The following ITGA4 variants were observed in gnomAD, a reference collection of about 807,000 sequenced individuals.
The protein encoded by ITGA4 is integrin alpha-4.
ITGA4 carries 63 observed loss-of-function variants against 133.6 expected under a neutral mutation model. That is an observed-to-expected ratio of 0.47 (90% confidence interval 0.38 to 0.58). The LOEUF (loss-of-function observed/expected upper bound fraction) is 0.58, where lower values mean the gene tolerates loss of function less well. ITGA4 is among the 20% of genes least tolerant of loss of function. ITGA4 has a pLI of 0.00. For missense variants in ITGA4, 1,076 were observed against 1,252.7 expected (o/e 0.86, Z 2.13); for synonymous variants, 483 against 438.0 (o/e 1.10, Z -1.28).
chr2:181,463,368 T>G (rs1685333867), intron 2 of ITGA4, among the ~76,000 whole-genome samples: 1 of 152,110 alleles, frequency 6.6e-6, no homozygotes, highest in Admixed American at 6.6e-5. Context: ...TGCAGGTTAG[T>G]GAATGCTTTG....
intron 10 of ITGA4, among the ~76,000 whole-genome samples, chr2:181,490,603 C>T (rs1255550026): frequency 6.6e-6 from 1 of 151,606 alleles, no homozygotes; most frequent in African/African-American, 2.4e-5. Context: ...GGTATGACCT[C>T]TGTTGTTAAT....
Position 181,538,292 on chromosome 2 carries a change from C to A in ITGA4, c.*2765C>A. The A allele has an allele frequency of 1.8e-6, 2 of 1,097,764 alleles. No homozygotes were observed. The highest frequency in any genetic ancestry group is 2.5e-5 in the South Asian group (2 of 79,044). The allele number at this position is 1,097,764 out of a possible 1,614,324, so 68.0% of individuals were successfully genotyped here. A position where few individuals can be genotyped will look rare whatever the true frequency, so the allele number is the denominator to read the frequency against. On this transcript the variant is annotated 3_prime_UTR_variant, in exon 28 of 28. Coordinates refer to ENST00000397033, the MANE Select transcript of ITGA4 (RefSeq NM_000885.6). ...CATCAACTTATTTTGTTGTTTTTCA[C>A]ATACACCTAATAAGTATGGTACACA... is the stretch of plus-strand genomic sequence containing the variant.
intron 2 of ITGA4, among the ~76,000 whole-genome samples, chr2:181,464,870 T>C (rs1312662571): frequency 6.6e-6 from 1 of 152,122 alleles, no homozygotes; most frequent in Non-Finnish European, 1.5e-5. Flanking sequence ...AATTAGAATA[T>C]GGAAGTGGAC....
chr2:181,495,752 A>G lies in ITGA4; in HGVS notation c.1386-31A>G, dbSNP rs879192985. The G allele has an allele frequency of 3.1e-6, 5 of 1,589,678 alleles. No homozygotes were observed. The highest frequency in any genetic ancestry group is 2.6e-6 in the Non-Finnish European group (3 of 1,167,306). On this transcript the variant is annotated intron_variant, in intron 13 of 27. Transcript: ENST00000397033. The surrounding 1 kb of genome is among the most constrained non-coding windows in gnomAD (Gnocchi z 4.3). ...CTCCTTAAGGAAAAATAATTCTGCAATTAACATTGCTACTTTTATTTCCTT... is the reference window on the plus strand; with the variant it reads ...CTCCTTAAGGAAAAATAATTCTGCAGTTAACATTGCTACTTTTATTTCCTT...
intron 6 of ITGA4, among the ~76,000 whole-genome samples, chr2:181,481,360 A>G (rs959688565): frequency 2.0e-5 from 3 of 152,170 alleles, no homozygotes; most frequent in Non-Finnish European, 2.9e-5. Context: ...TAAAGATGCT[A>G]TTTTCAATTT....
chr2:181,473,867 T>C lies in ITGA4; in HGVS notation c.320-1093T>C, dbSNP rs558537170. On this transcript the variant is annotated intron_variant, in intron 2 of 27. Coordinates refer to ENST00000397033, the MANE Select transcript of ITGA4 (RefSeq NM_000885.6). The stretch of plus-strand genomic sequence containing the variant: ...CTGAGTTTGCCCAGGAAGCTACATT[T>C]AGGGGTCAACATTATAGGAGGAGAC... Among the ~76,000 whole-genome samples, 3 of 152,268 alleles carry C rather than the reference T, an allele frequency of 2.0e-5. No homozygotes were observed. In the East Asian group the frequency reaches 5.8e-4, roughly 29 times the overall value.
chr2:181,486,422 C>T (rs968575150), intron 10 of ITGA4: 8 of 153,130 alleles, frequency 5.2e-5, no homozygotes, highest in African/African-American at 1.7e-4. Flanking sequence ...CTGACCAAAC[C>T]CAACAGAGGC....
intron 10 of ITGA4, among the ~76,000 whole-genome samples, chr2:181,490,521 GTGTGTC>G (rs367978324): frequency 6.4e-4 from 59 of 92,416 alleles, no homozygotes; most frequent in African/African-American, 1.6e-3. Flanking sequence ...GTGTGTGTGT[GTGTGTC>G]TGTGTGTGTG....
chr2:181,474,344 A>T (rs1685625325), intron 2 of ITGA4, among the ~76,000 whole-genome samples: 1 of 152,186 alleles, frequency 6.6e-6, no homozygotes, highest in Non-Finnish European at 1.5e-5. Flanking sequence ...TACTACTGAG[A>T]TAATCTGGTT....
intron 23 of ITGA4, among the ~76,000 whole-genome samples, 193 bp from the exon 24 acceptor site, chr2:181,530,331 T>C (rs545879887): frequency 1.3e-5 from 2 of 152,352 alleles, no homozygotes; most frequent in African/African-American, 4.8e-5. Context: ...CCTGCTGTAA[T>C]TTGGCTGGGT....
intron 14 of ITGA4, 105 bp from the exon 15 acceptor site, chr2:181,498,518 A>G (rs1574398007): frequency 1.8e-6 from 1 of 557,678 alleles, no homozygotes; most frequent in Non-Finnish European, 3.0e-6. Flanking sequence ...AGAATTCCAG[A>G]TATTATTTCC....
Position 181,537,609 on chromosome 2 carries a change from A to T in ITGA4, c.*2082A>T, listed in dbSNP as rs779920731. The T allele has an allele frequency of 2.1e-5, 9 of 429,578 alleles. No homozygotes were observed. Among genetic ancestry groups the T allele is most frequent in the South Asian group, 1.5e-4 (9 of 59,014 alleles). The allele number at this position is 429,578 out of a possible 1,614,324, so 26.6% of individuals were successfully genotyped here. ...ATTATATTTGTAACAGAATATAGGA[A>T]ATTTAACATAATTGATGAGCTCAAA... On this transcript the variant is annotated 3_prime_UTR_variant, in exon 28 of 28. Coordinates refer to ENST00000397033, the MANE Select transcript of ITGA4 (RefSeq NM_000885.6).
Position 181,501,218 on chromosome 2 carries a change from A to C in ITGA4, c.1695+2441A>C, listed in dbSNP as rs11883463. 4.6e-3 allele frequency among the ~76,000 whole-genome samples: 706 copies of C among 152,286 alleles called. 7 individuals are homozygous for C. The highest frequency in any genetic ancestry group is 0.016 in the African/African-American group (673 of 41,572). The stretch of plus-strand genomic sequence containing the variant: ...GGGCTGAGAATGTGCATTTCTGCAA[A>C]GTTCCCAGAGGACCCATACTTTGAG... On this transcript the variant is annotated intron_variant, in intron 15 of 27. Transcript: ENST00000397033.
chr2:181,484,664 A>G (rs1448641701), intron 9 of ITGA4, among the ~76,000 whole-genome samples: 1 of 152,220 alleles, frequency 6.6e-6, no homozygotes, highest in African/African-American at 2.4e-5. Flanking sequence ...AGGACTATAA[A>G]AAGAGCTAAT....
chr2:181,533,775 CA>C (rs1686994421), intron 25 of ITGA4, among the ~76,000 whole-genome samples: 1 of 152,156 alleles, frequency 6.6e-6, no homozygotes, highest in Admixed American at 6.5e-5. Context: ...AGCAAATGCA[CA>C]CATGAAAACA....
At chr2:181,458,989 T>G (rs577220543) in intron 2 of ITGA4, 1 of 152,428 alleles carries the variant, frequency 6.6e-6, no homozygotes, top group East Asian at 1.9e-4. Context: ...AGAAGTTTCA[T>G]GTTTCAAAGC....
chr2:181,503,748 A>T (rs532733624), intron 15 of ITGA4, among the ~76,000 whole-genome samples: 2 of 152,122 alleles, frequency 1.3e-5, no homozygotes, highest in East Asian at 3.9e-4. Flanking sequence ...TTAGTGTTTT[A>T]TCTATTGAAA....
At chr2:181,497,850 C>T (rs549807803) in intron 14 of ITGA4, among the ~76,000 whole-genome samples, 43 of 151,762 alleles carry the variant, frequency 2.8e-4, no homozygotes, top group African/African-American at 8.7e-4. Flanking sequence ...CTGGCTTGGA[C>T]GTTTTTGTTA....
chr2:181,525,197 T>TCC lies in ITGA4; in HGVS notation c.2250-5_2250-4insCC. ...ATTCTAACAGGGTGTTTTCTGTTTG[T>TCC]ATAGTGAAAATGAAGAGGAAATGGA... On this transcript the variant is annotated splice_region_variant and splice_polypyrimidine_tract_variant and intron_variant, in intron 20 of 27. Transcript: ENST00000397033. 1 of 1,563,808 alleles carries TCC rather than the reference T, an allele frequency of 6.4e-7. No individual in the cohort carries two copies. The highest frequency in any genetic ancestry group is 8.8e-7 in the Non-Finnish European group (1 of 1,135,328).
Sources: gnomAD v4.1 joint callset for allele counts (sites outside exome capture counted in the v4.1 genomes callset) on GRCh38, gnomAD v4.1.1 for gene constraint, Gnocchi (gnomAD v3.1) non-coding constraint, MANE v1.5 for transcripts, NCBI Gene and HGNC (gene_info 2026-07-23, HGNC 2026-07-21) for gene names.